Variants in PALD1 observed in about 807,000 individuals in gnomAD.
PALD1 encodes the protein phosphatase domain containing paladin 1.
Under a neutral mutation model 96.0 loss-of-function variants are expected in PALD1, and 57 were observed. That is an observed-to-expected ratio of 0.59 (90% CI 0.48 to 0.74). PALD1 has a LOEUF of 0.74. Ranked by LOEUF, PALD1 falls within the 30% of genes least tolerant of loss-of-function variation. The probability of loss-of-function intolerance (pLI) is 0.00; values close to 1 mark genes in which losing one functional copy is unlikely to be tolerated. For synonymous variants in PALD1, 464 were observed against 473.6 expected (o/e 0.98, Z 0.26); for missense variants, 1,063 against 1,143.7 (o/e 0.93, Z 1.02).
chr10:70,461,663 G>C, the PALD1 span, among the ~76,000 whole-genome samples: 1 of 152,300 alleles, frequency 6.6e-6, no homozygotes, highest in South Asian at 2.1e-4. Flanking sequence ...AAATCCCGGG[G>C]CCCCCACTTG....
In PALD1 at chr10:70,539,111, C is replaced by T. The variant is rs1279382831; in HGVS notation, c.1589C>T (p.Ala530Val). ...GCCCAGGCCCTGGGGAGCATCCTGGCCTACCTGACGGACGCCAAGAGGAGG... is the reference window on the plus strand; with the variant it reads ...GCCCAGGCCCTGGGGAGCATCCTGGTCTACCTGACGGACGCCAAGAGGAGG... The part of the protein sequence containing the change: ...PSAKALGSIL[A>V]YLTDAKRRLR... Residue 530 changes from alanine to valine, a missense_variant, in exon 14 of 20, where the codon GCC becomes GTC. Coordinates refer to ENST00000263563, the MANE Select transcript of PALD1 (RefSeq NM_014431.3). The surrounding 1 kb of genome is among the most constrained non-coding windows in gnomAD (Gnocchi z 4.5). 2 of 1,613,828 alleles carry T rather than the reference C, an allele frequency of 1.2e-6. No homozygotes were observed. The highest frequency in any genetic ancestry group is 2.7e-5 in the African/African-American group (2 of 74,938).
chr10:70,533,050 G>A lies in PALD1; in HGVS notation c.850G>A (p.Ala284Thr), dbSNP rs749278605. Residue 284 changes from alanine (A) to threonine (T), a missense_variant, in exon 7 of 20, where the codon GCC becomes ACC. Ala to Thr is a moderately conservative substitution (Grantham distance 58). Coordinates refer to ENST00000263563, the MANE Select transcript of PALD1 (RefSeq NM_014431.3). ...QGSPLEAQLD[A>T]FVSVLRETPS... The stretch of plus-strand genomic sequence containing the variant: ...GAGTCCCCTGGAGGCCCAGTTGGAC[G>A]CCTTTGTCAGTGTTCTCCGGGTAAC... The A allele has an allele frequency of 3.2e-5, 50 of 1,582,900 alleles. No homozygotes were observed. Among genetic ancestry groups the A allele is most frequent in the South Asian group, 2.7e-4 (23 of 86,766 alleles).
At chr10:70,558,749 G>C (rs904284569) in intron 18 of PALD1, among the ~76,000 whole-genome samples, 1 of 152,072 alleles carries the variant, frequency 6.6e-6, no homozygotes, top group African/African-American at 2.4e-5. Context: ...CGTTTTAAGA[G>C]AAAGTATGTA....
At chr10:70,485,055 T>G (rs1164734441) in intron 1 of PALD1, among the ~76,000 whole-genome samples, 1 of 152,192 alleles carries the variant, frequency 6.6e-6, no homozygotes, top group Non-Finnish European at 1.5e-5. Context: ...TGTCTTTTCA[T>G]GTGAAATTCA....
intron 10 of PALD1, among the ~76,000 whole-genome samples, chr10:70,536,568 C>T (rs1291498252): frequency 6.6e-6 from 1 of 152,224 alleles, no homozygotes; most frequent in African/African-American, 2.4e-5. Context: ...CAAATCCAGC[C>T]TGCCGCCTGT....
intron 1 of PALD1, among the ~76,000 whole-genome samples, chr10:70,480,958 G>A (rs1251363160): frequency 3.3e-5 from 5 of 152,238 alleles, no homozygotes; most frequent in Non-Finnish European, 7.3e-5. Flanking sequence ...ACACAGACAT[G>A]TGCGGGGACA....
At chr10:70,467,159 T>C in the PALD1 span, among the ~76,000 whole-genome samples, 6 of 151,438 alleles carry the variant, frequency 4.0e-5, no homozygotes, top group Admixed American at 3.9e-4. Context: ...ATGGGAGGTG[T>C]TGAGTGTTGA....
chr10:70,508,477 C>T (rs561466421), intron 1 of PALD1, among the ~76,000 whole-genome samples: 30 of 152,242 alleles, frequency 2.0e-4, no homozygotes, highest in South Asian at 6.2e-4. Context: ...CCACATGCTG[C>T]GCCCTGAGTC....
At chr10:70,467,315 C>G in the PALD1 span, among the ~76,000 whole-genome samples, 5 of 151,422 alleles carry the variant, frequency 3.3e-5, no homozygotes, top group African/African-American at 9.7e-5. Context: ...GCTGGAGAAG[C>G]CTGGGGGTGG....
upstream of PALD1, among the ~76,000 whole-genome samples, chr10:70,476,982 T>C (rs1845833185): frequency 6.6e-6 from 1 of 152,196 alleles, no homozygotes; most frequent in South Asian, 2.1e-4. Flanking sequence ...TATGCATGTT[T>C]ATGTATATAT....
intron 1 of PALD1, among the ~76,000 whole-genome samples, chr10:70,524,735 G>A (rs903755848): frequency 5.9e-5 from 9 of 152,048 alleles, no homozygotes; most frequent in Non-Finnish European, 4.4e-5. Flanking sequence ...TATTTTTAAT[G>A]GCTGTTTAAC....
chr10:70,536,525 C>G (rs903515602), intron 10 of PALD1, among the ~76,000 whole-genome samples: 3 of 152,186 alleles, frequency 2.0e-5, no homozygotes, highest in South Asian at 2.1e-4. Flanking sequence ...TCCCCTTAGT[C>G]TAGATTGGGC....
At chr10:70,542,428 C>T (rs955251489) in intron 17 of PALD1, among the ~76,000 whole-genome samples, 2 of 152,204 alleles carry the variant, frequency 1.3e-5, no homozygotes, top group African/African-American at 4.8e-5. Context: ...CTCTCCTATT[C>T]AGTAATGATT....
chr10:70,547,181 G>C (rs994494036), intron 17 of PALD1, 125 bp from the exon 18 acceptor site: 1 of 804,030 alleles, frequency 1.2e-6, no homozygotes, highest in African/African-American at 1.7e-5. Flanking sequence ...GGAGCAGGCA[G>C]GGCTCTCTGT....
chr10:70,481,675 G>A (rs1288341648), intron 1 of PALD1, among the ~76,000 whole-genome samples: 1 of 152,190 alleles, frequency 6.6e-6, no homozygotes, highest in Non-Finnish European at 1.5e-5. Context: ...CCAAGCCTGC[G>A]GGTCTTTGAC....
upstream of PALD1, among the ~76,000 whole-genome samples, chr10:70,477,640 C>T (rs1172315450): frequency 6.6e-6 from 1 of 152,182 alleles, no homozygotes; most frequent in Admixed American, 6.5e-5. Flanking sequence ...ATGGTGAGAC[C>T]ACCACAATGA....
At position 70,534,035 on chromosome 10, in the gene PALD1, C is replaced by A. The variant is rs368426873; in HGVS notation, c.984C>A (p.Leu328=). 2.7e-5 allele frequency: 44 copies of A among 1,611,282 alleles called. No individual in the cohort carries two copies. The highest frequency in any genetic ancestry group is 1.7e-4 in the Middle Eastern group (1 of 5,968). Residue 328 remains leucine (L), a synonymous_variant, in exon 8 of 20, where the codon CTC becomes CTA. Transcript: ENST00000263563. ...RTNLGMVLGT[L]ILLHRSGTTS... is the part of the protein sequence containing the mutation. Reference sequence around the variant, plus strand: ...ACCTGGGCATGGTCCTGGGCACCCTCATCCTGCTTCACCGCAGTGGGACCA... The same window carrying A: ...ACCTGGGCATGGTCCTGGGCACCCTAATCCTGCTTCACCGCAGTGGGACCA...
At chr10:70,487,641 C>A (rs1321643217) in intron 1 of PALD1, among the ~76,000 whole-genome samples, 1 of 151,954 alleles carries the variant, frequency 6.6e-6, no homozygotes, top group Admixed American at 6.6e-5. Flanking sequence ...AGGAAAACTC[C>A]ACCTATTAAG....
the PALD1 span, among the ~76,000 whole-genome samples, chr10:70,464,965 G>GTATA: frequency 6.7e-6 from 1 of 148,834 alleles, no homozygotes; most frequent in African/African-American, 2.5e-5. Context: ...ATGTATGTAT[G>GTATA]TATGTATGTA....
Sources: allele counts gnomAD v4.1 joint callset (sites outside exome capture counted in the v4.1 genomes callset), GRCh38; gene constraint gnomAD v4.1.1; non-coding constraint Gnocchi (gnomAD v3.1); transcripts MANE v1.5; gene names NCBI Gene and HGNC (gene_info 2026-07-23, HGNC 2026-07-21).